ZFHX3: variants seen among roughly 807,000 people sequenced by gnomAD.
ZFHX3 encodes zinc finger homeobox protein 3.
Under a neutral mutation model 279.1 loss-of-function variants are expected in ZFHX3, and 42 were observed. That is an observed-to-expected ratio of 0.15 (90% CI 0.12 to 0.19). The LOEUF (loss-of-function observed/expected upper bound fraction) is 0.19. ZFHX3 is among the 10% of genes least tolerant of loss of function. The probability of loss-of-function intolerance (pLI) is 1.00; values close to 1 mark genes in which losing one functional copy is unlikely to be tolerated. For synonymous variants in ZFHX3, 2,293 were observed against 1,957.8 expected, an observed-to-expected ratio of 1.17 and a Z score of -4.52; for missense variants, 4,981 against 4,754.0, an observed-to-expected ratio of 1.05 and a Z score of -1.40.
intron 2 of ZFHX3, among the ~76,000 whole-genome samples, chr16:73,644,515 G>C (rs1191490162): frequency 6.6e-6 from 1 of 152,110 alleles, no homozygotes; most frequent in East Asian, 1.9e-4. Flanking sequence ...GCAAAAATTA[G>C]CTGGGCCTGG....
intron 1 of ZFHX3, among the ~76,000 whole-genome samples, chr16:73,855,179 T>G (rs540800730): frequency 6.6e-6 from 1 of 151,994 alleles, no homozygotes; most frequent in East Asian, 1.9e-4. Context: ...CTGCAGCCAT[T>G]TGAATCAGAG....
At chr16:73,205,215 T>C (rs1482147135) in intron 5 of ZFHX3, among the ~76,000 whole-genome samples, 4 of 152,130 alleles carry the variant, frequency 2.6e-5, no homozygotes, top group Non-Finnish European at 1.5e-5. Flanking sequence ...AGGGTATATC[T>C]AACCCACCTT....
intron 6 of ZFHX3, chr16:73,134,718 T>A (rs1401836074): frequency 6.6e-6 from 1 of 152,000 alleles, no homozygotes; most frequent in East Asian, 1.9e-4. Flanking sequence ...TTTCCAAATA[T>A]TACCCTTCCT....
At chr16:73,495,802 C>T (rs534259406) in intron 2 of ZFHX3, among the ~76,000 whole-genome samples, 1 of 152,328 alleles carries the variant, frequency 6.6e-6, no homozygotes, top group South Asian at 2.1e-4. Context: ...TAAATGCAGA[C>T]AGAACACTTC....
intron 1 of ZFHX3, among the ~76,000 whole-genome samples, chr16:73,831,368 GC>G (rs1416727633): frequency 6.6e-6 from 1 of 152,216 alleles, no homozygotes; most frequent in Non-Finnish European, 1.5e-5. Flanking sequence ...GGTCAGAGCA[GC>G]CCTGGGGGCT....
intron 4 of ZFHX3, among the ~76,000 whole-genome samples, chr16:73,313,698 A>C (rs920404098): frequency 6.6e-6 from 1 of 152,206 alleles, no homozygotes; most frequent in African/African-American, 2.4e-5. Context: ...AATGGCACAA[A>C]CATGTACACA....
At chr16:73,650,903 A>G (rs1370377405) in intron 2 of ZFHX3, among the ~76,000 whole-genome samples, 1 of 152,202 alleles carries the variant, frequency 6.6e-6, no homozygotes, top group Non-Finnish European at 1.5e-5. Context: ...ATGCAAAAGA[A>G]CAACTATGTC....
intron 3 of ZFHX3, among the ~76,000 whole-genome samples, chr16:73,426,096 T>C (rs540135059): frequency 1.3e-5 from 2 of 152,216 alleles, no homozygotes; most frequent in South Asian, 2.1e-4. Context: ...AACTGGTGAG[T>C]CCCAGCTGGT....
At chr16:73,330,512 C>T (rs946420112) in intron 3 of ZFHX3, among the ~76,000 whole-genome samples, 19 of 152,154 alleles carry the variant, frequency 1.2e-4, no homozygotes, top group Admixed American at 6.5e-4. Flanking sequence ...TAGGGGCAAA[C>T]GTCAGGATTT....
intron 3 of ZFHX3, among the ~76,000 whole-genome samples, chr16:73,455,821 G>C (rs554300293): frequency 4.6e-5 from 7 of 151,408 alleles, no homozygotes; most frequent in African/African-American, 1.7e-4. Flanking sequence ...GTTGGAGTGA[G>C]GGGGCCCAAT....
intron 8 of ZFHX3, among the ~76,000 whole-genome samples, chr16:73,075,431 GT>G (rs1414018048): frequency 6.6e-6 from 1 of 152,112 alleles, no homozygotes; most frequent in East Asian, 1.9e-4. Context: ...TTGTTGGTAT[GT>G]TTTTAAAAAT....
chr16:73,317,601 G>A (rs1189390520), intron 4 of ZFHX3, among the ~76,000 whole-genome samples: 1 of 152,148 alleles, frequency 6.6e-6, no homozygotes, highest in African/African-American at 2.4e-5. Context: ...CGGTTGCTGT[G>A]ATTGCATCAC....
At chr16:73,383,660 T>C (rs1459516970) in intron 3 of ZFHX3, among the ~76,000 whole-genome samples, 1 of 130,778 alleles carries the variant, frequency 7.6e-6, no homozygotes, top group Non-Finnish European at 1.6e-5. Context: ...CACAAGAAAG[T>C]GGATCCGAAG....
chr16:73,142,079 C>T (rs974388967), intron 6 of ZFHX3, among the ~76,000 whole-genome samples: 1 of 152,324 alleles, frequency 6.6e-6, no homozygotes. Context: ...CATTCACCTC[C>T]AGAGCATTAG....
intron 2 of ZFHX3, among the ~76,000 whole-genome samples, chr16:73,472,147 C>A (rs2018678854): frequency 6.6e-6 from 1 of 152,090 alleles, no homozygotes. Context: ...ACTTCTACCC[C>A]CAAGTTCCTT....
At chr16:72,811,828 G>GTTTTTT in intron 6 of ZFHX3, 51 bp from the exon 7 acceptor site, 1 of 738,132 alleles carries the variant, frequency 1.4e-6, no homozygotes, top group Non-Finnish European at 2.2e-6. Flanking sequence ...CCCCAAGCCC[G>GTTTTTT]CCCACCCAAA....
Position 72,788,640 on chromosome 16 carries a change from C to G in ZFHX3, c.9636G>C (p.Pro3212=), listed in dbSNP as rs377503676. Reference sequence around the variant, plus strand: ...TGGGTGGCGGCTGGGCTGCTGGCGGCGGGGGAGGCTGCTGCACCTGTGGTT... The same window carrying G: ...TGGGTGGCGGCTGGGCTGCTGGCGGGGGGGGAGGCTGCTGCACCTGTGGTT... ...QQQPQVQQPP[P]PPAAQPPPTP... is the part of the protein sequence containing the mutation. The change falls in exon 10 of 10, where the codon CCG becomes CCC. Residue 3212 remains proline, a synonymous_variant. Coordinates refer to ENST00000268489, the MANE Select transcript of ZFHX3 (RefSeq NM_006885.4). 1 of 1,613,088 alleles carries G rather than the reference C, an allele frequency of 6.2e-7. No homozygotes were observed. The highest frequency in any genetic ancestry group is 1.1e-5 in the South Asian group (1 of 90,972).
intron 5 of ZFHX3, among the ~76,000 whole-genome samples, chr16:73,215,644 A>T (rs1597224520): frequency 6.6e-6 from 1 of 152,056 alleles, no homozygotes. Flanking sequence ...ACGTATCACA[A>T]ACTGCTGTGT....
At chr16:73,419,842 G>C (rs1055845849) in intron 3 of ZFHX3, among the ~76,000 whole-genome samples, 2 of 151,964 alleles carry the variant, frequency 1.3e-5, no homozygotes, top group African/African-American at 4.8e-5. Context: ...TATGTGCTTA[G>C]TGGTTAATAC....
Sources: gnomAD v4.1 joint callset for allele counts (sites outside exome capture counted in the v4.1 genomes callset) on GRCh38, gnomAD v4.1.1 for gene constraint, MANE v1.5 for transcripts, NCBI Gene and HGNC (gene_info 2026-07-23, HGNC 2026-07-21) for gene names.